The following PLCL1 variants were observed in gnomAD, a reference collection of about 807,000 sequenced individuals.
The protein encoded by PLCL1 is phospholipase C like 1 (inactive).
Under a neutral mutation model 84.4 loss-of-function variants are expected in PLCL1, and 41 were observed. That is an observed-to-expected ratio of 0.49 (90% CI 0.38 to 0.63). PLCL1 has a LOEUF of 0.63. Ranked by LOEUF, PLCL1 falls within the 30% of genes least tolerant of loss-of-function variation. The pLI is 0.00. For synonymous variants in PLCL1, 490 were observed against 488.3 expected (o/e 1.00, Z -0.05); for missense variants, 1,206 against 1,367.8 (o/e 0.88, Z 1.87).
chr2:197,944,186 C>T (rs1198439590), intron 1 of PLCL1, among the ~76,000 whole-genome samples: 1 of 152,084 alleles, frequency 6.6e-6, no homozygotes, highest in East Asian at 1.9e-4. Flanking sequence ...TTCACTGAGG[C>T]CCTCTCAACA....
intron 1 of PLCL1, among the ~76,000 whole-genome samples, chr2:197,878,603 A>G (rs1442436155): frequency 6.6e-6 from 1 of 152,118 alleles, no homozygotes; most frequent in African/African-American, 2.4e-5. Flanking sequence ...TCCAGAAATT[A>G]TCTGTGATCC....
chr2:198,106,217 C>A (rs887655920), intron 5 of PLCL1, among the ~76,000 whole-genome samples: 4 of 152,000 alleles, frequency 2.6e-5, no homozygotes, highest in Non-Finnish European at 5.9e-5. Flanking sequence ...CAGTCTGGCT[C>A]CAGACCCTGT....
Position 197,805,302 on chromosome 2 carries a change from C to T in PLCL1, c.203C>T (p.Ala68Val). ...GACAGCGAGGCGGGCCTCCTGGAGG[C>T]AGCACGGGCGACCCCCCGGCGCAGC... The part of the protein sequence containing the change: ...PADSEAGLLE[A>V]ARATPRRSSI... Residue 68 changes from alanine to valine, a missense_variant, in exon 1 of 6, where the codon GCA becomes GTA. Transcript: ENST00000428675. This position sits in a 1 kb window ranked among gnomAD's most constrained non-coding sequence, Gnocchi z 4.0. 7.7e-7 allele frequency: 1 copy of T among 1,304,450 alleles called. No individual in the cohort carries two copies. Among genetic ancestry groups the T allele is most frequent in the Non-Finnish European group, 9.7e-7 (1 of 1,030,288 alleles). The allele number at this position is 1,304,450 out of a possible 1,614,324, so 80.8% of individuals were successfully genotyped here.
chr2:197,845,969 A>G (rs1363833224), intron 1 of PLCL1, among the ~76,000 whole-genome samples: 4 of 152,134 alleles, frequency 2.6e-5, no homozygotes, highest in Non-Finnish European at 5.9e-5. Context: ...TGCACTTGAT[A>G]CTAATTGAAA....
chr2:198,034,168 C>T (rs557694489), intron 1 of PLCL1, among the ~76,000 whole-genome samples: 45 of 152,060 alleles, frequency 3.0e-4, no homozygotes, highest in East Asian at 7.8e-4. Context: ...CAACAGGCCC[C>T]GGTGTGTGAT....
intron 1 of PLCL1, among the ~76,000 whole-genome samples, chr2:197,856,482 G>GA (rs1574914940): frequency 6.6e-6 from 1 of 151,968 alleles, no homozygotes; most frequent in African/African-American, 2.4e-5. Context: ...AAATGAACTT[G>GA]AAAAAAATCA....
chr2:198,047,321 C>A (rs1438373121), intron 1 of PLCL1, among the ~76,000 whole-genome samples: 1 of 152,084 alleles, frequency 6.6e-6, no homozygotes, highest in East Asian at 1.9e-4. Context: ...GTAGCTGGGA[C>A]TACAGGTGCA....
chr2:197,882,349 T>C (rs1278619736), intron 1 of PLCL1, among the ~76,000 whole-genome samples: 2 of 152,144 alleles, frequency 1.3e-5, no homozygotes, highest in Admixed American at 6.6e-5. Flanking sequence ...CATTAGGAGA[T>C]AGCACAACCT....
At chr2:198,008,721 A>G (rs1690793078) in intron 1 of PLCL1, among the ~76,000 whole-genome samples, 1 of 152,038 alleles carries the variant, frequency 6.6e-6, no homozygotes, top group African/African-American at 2.4e-5. Flanking sequence ...ATATACCCAC[A>G]AATGGGATTG....
intron 1 of PLCL1, among the ~76,000 whole-genome samples, chr2:197,939,205 G>A (rs1288897150): frequency 6.6e-6 from 1 of 152,072 alleles, no homozygotes; most frequent in Non-Finnish European, 1.5e-5. Context: ...GTAAGTATAA[G>A]CAACTGCTGC....
chr2:197,861,295 C>T (rs886339872), intron 1 of PLCL1, among the ~76,000 whole-genome samples: 2 of 152,122 alleles, frequency 1.3e-5, no homozygotes, highest in African/African-American at 4.8e-5. Context: ...TCCATAAAAG[C>T]TTTGGATAAG....
At chr2:197,943,283 C>A (rs975931323) in intron 1 of PLCL1, among the ~76,000 whole-genome samples, 5 of 148,178 alleles carry the variant, frequency 3.4e-5, no homozygotes, top group African/African-American at 1.2e-4. Context: ...TTCATTATTT[C>A]TTGATTATTT....
At chr2:198,143,058 A>T (rs1380846538) in intron 5 of PLCL1, among the ~76,000 whole-genome samples, 1 of 152,148 alleles carries the variant, frequency 6.6e-6, no homozygotes, top group Non-Finnish European at 1.5e-5. Context: ...ACCTCTGTTT[A>T]GGGAGAATAA....
intron 1 of PLCL1, among the ~76,000 whole-genome samples, chr2:197,895,725 G>A (rs1559038071): frequency 1.3e-5 from 2 of 151,838 alleles, no homozygotes; most frequent in Admixed American, 1.3e-4. Flanking sequence ...TTTATTAGAA[G>A]CAAAATGTGG....
chr2:197,863,497 T>C (rs1687472023), intron 1 of PLCL1, among the ~76,000 whole-genome samples: 1 of 152,168 alleles, frequency 6.6e-6, no homozygotes, highest in Non-Finnish European at 1.5e-5. Context: ...ACACATTTAA[T>C]GTATTCCTTT....
At chr2:197,824,315 C>G (rs935306827) in intron 1 of PLCL1, among the ~76,000 whole-genome samples, 1 of 151,770 alleles carries the variant, frequency 6.6e-6, no homozygotes. Context: ...TTGAATTTTG[C>G]TTTTTACTGA....
intron 1 of PLCL1, among the ~76,000 whole-genome samples, chr2:197,990,626 T>C (rs1000535731): frequency 6.6e-6 from 1 of 152,162 alleles, no homozygotes; most frequent in African/African-American, 2.4e-5. Flanking sequence ...TTATTCACTA[T>C]CATGAGAAAA....
At chr2:198,120,998 G>T (rs1169220076) in intron 5 of PLCL1, among the ~76,000 whole-genome samples, 1 of 151,914 alleles carries the variant, frequency 6.6e-6, no homozygotes, top group African/African-American at 2.4e-5. Flanking sequence ...CTGTCTTTTG[G>T]ATATAAGTCA....
intron 1 of PLCL1, among the ~76,000 whole-genome samples, chr2:197,927,272 A>G (rs934486351): frequency 3.3e-5 from 5 of 152,232 alleles, no homozygotes; most frequent in Non-Finnish European, 5.9e-5. Flanking sequence ...GAGGGATTGA[A>G]AGAGAACTGA....
Sources: allele counts gnomAD v4.1 joint callset (sites outside exome capture counted in the v4.1 genomes callset), GRCh38; gene constraint gnomAD v4.1.1; non-coding constraint Gnocchi (gnomAD v3.1); transcripts MANE v1.5; gene names NCBI Gene and HGNC (gene_info 2026-07-23, HGNC 2026-07-21).